The following CNTNAP4 variants were observed in gnomAD, a reference collection of about 807,000 sequenced individuals.
CNTNAP4 encodes contactin-associated protein-like 4.
A neutral mutation model predicts 148.4 loss-of-function variants in CNTNAP4; 98 were observed. The observed-to-expected ratio is 0.66, with a 90% CI of 0.56 to 0.78. CNTNAP4 has a LOEUF of 0.78. Ranked by LOEUF, CNTNAP4 falls within the 30% of genes least tolerant of loss-of-function variation. The pLI is 0.00. For missense variants in CNTNAP4, 1,935 were observed against 1,565.6 expected, an observed-to-expected ratio of 1.24 and a Z score of -3.98; for synonymous variants, 730 against 565.1, an observed-to-expected ratio of 1.29 and a Z score of -4.14.
chr16:76,457,582 G>A (rs1293755964), intron 8 of CNTNAP4, among the ~76,000 whole-genome samples: 1 of 152,120 alleles, frequency 6.6e-6, no homozygotes, highest in African/African-American at 2.4e-5. Context: ...TAATCCTGCT[G>A]CATGCCTAAC....
At position 76,448,757 on chromosome 16, in the gene CNTNAP4, C is replaced by G. The variant is rs760646138; in HGVS notation, c.743-10C>G. 5.0e-5 allele frequency: 77 copies of G among 1,551,634 alleles called. No homozygotes were observed. Among genetic ancestry groups the G allele is most frequent in the Non-Finnish European group, 6.4e-5 (74 of 1,149,960 alleles). ...CAATAATGGTGCTGTTATTTTTCTC[C>G]TCTTCTAAGGTGAAGCTAAACTGCC... On this transcript the variant is annotated splice_polypyrimidine_tract_variant and intron_variant, in intron 5 of 23. Transcript: ENST00000611870.
At chr16:76,434,170 T>G in intron 4 of CNTNAP4, among the ~76,000 whole-genome samples, 1 of 150,314 alleles carries the variant, frequency 6.7e-6, no homozygotes, top group Non-Finnish European at 1.5e-5. Context: ...ATCGAATATA[T>G]ATAAAGGGGA....
intron 2 of CNTNAP4, among the ~76,000 whole-genome samples, chr16:76,332,289 G>A (rs1026557434): frequency 6.6e-6 from 1 of 151,990 alleles, no homozygotes; most frequent in Non-Finnish European, 1.5e-5. Context: ...GAGACAGGAT[G>A]TCATTCTGTT....
chr16:76,454,568 A>T (rs1001593325), intron 8 of CNTNAP4, among the ~76,000 whole-genome samples: 1 of 152,202 alleles, frequency 6.6e-6, no homozygotes, highest in Non-Finnish European at 1.5e-5. Flanking sequence ...GATTTTATTT[A>T]AAAACTCTCT....
chr16:76,374,202 G>A (rs879308733), intron 3 of CNTNAP4, among the ~76,000 whole-genome samples: 34 of 152,164 alleles, frequency 2.2e-4, no homozygotes, highest in Non-Finnish European at 4.1e-4. Context: ...CTGGAGCAGT[G>A]AAAAGACATC....
chr16:76,542,026 C>T (rs566746551), intron 21 of CNTNAP4, among the ~76,000 whole-genome samples: 3 of 152,242 alleles, frequency 2.0e-5, no homozygotes, highest in South Asian at 4.1e-4. Context: ...CATGAAATGA[C>T]GATTCTACTT....
At chr16:76,493,413 G>A (rs548495325) in intron 13 of CNTNAP4, among the ~76,000 whole-genome samples, 6 of 152,110 alleles carry the variant, frequency 3.9e-5, no homozygotes, top group South Asian at 2.1e-4. Context: ...CCATATCCAC[G>A]GGTATTTTTT....
chr16:76,500,521 C>A (rs1443281276), intron 15 of CNTNAP4, among the ~76,000 whole-genome samples: 1 of 152,052 alleles, frequency 6.6e-6, no homozygotes, highest in Non-Finnish European at 1.5e-5. Context: ...GAATTTCCTA[C>A]TGTTAGGCCT....
chr16:76,512,578 T>C (rs1270499142), intron 15 of CNTNAP4, among the ~76,000 whole-genome samples: 1 of 152,142 alleles, frequency 6.6e-6, no homozygotes, highest in Non-Finnish European at 1.5e-5. Context: ...TAGAGAAATA[T>C]AAAGAGCCCA....
chr16:76,431,688 G>C (rs1339927885), intron 4 of CNTNAP4, among the ~76,000 whole-genome samples: 1 of 152,124 alleles, frequency 6.6e-6, no homozygotes, highest in African/African-American at 2.4e-5. Flanking sequence ...CAAAAGTAAA[G>C]GGGGAGGTAA....
At chr16:76,472,951 TTAAAA>T (rs1231076025) in intron 10 of CNTNAP4, among the ~76,000 whole-genome samples, 6 of 151,940 alleles carry the variant, frequency 3.9e-5, no homozygotes, top group African/African-American at 1.2e-4. Flanking sequence ...ACCCCTGAAC[TTAAAA>T]TAAGAGTTAA....
chr16:76,398,170 A>G (rs2078279240), intron 3 of CNTNAP4, among the ~76,000 whole-genome samples: 2 of 151,062 alleles, frequency 1.3e-5, no homozygotes, highest in Admixed American at 1.3e-4. Context: ...AAACCAGTCT[A>G]GTCTTTCCAT....
intron 3 of CNTNAP4, among the ~76,000 whole-genome samples, chr16:76,408,584 C>G (rs1043033323): frequency 6.6e-6 from 1 of 151,842 alleles, no homozygotes; most frequent in East Asian, 1.9e-4. Flanking sequence ...TTAAAACTTC[C>G]TAGCTTTATA....
At chr16:76,352,504 G>C (rs1440333098) in intron 2 of CNTNAP4, among the ~76,000 whole-genome samples, 1 of 152,080 alleles carries the variant, frequency 6.6e-6, no homozygotes, top group East Asian at 1.9e-4. Flanking sequence ...GAGGCACTGC[G>C]GTGTCCTAGT....
intron 15 of CNTNAP4, among the ~76,000 whole-genome samples, chr16:76,518,792 T>C (rs2083348707): frequency 6.6e-6 from 1 of 152,172 alleles, no homozygotes; most frequent in Admixed American, 6.5e-5. Context: ...ATGAAGCTTA[T>C]TCCTTCTATC....
chr16:76,480,346 A>G (rs1294593029), intron 12 of CNTNAP4, among the ~76,000 whole-genome samples: 1 of 152,246 alleles, frequency 6.6e-6, no homozygotes, highest in Non-Finnish European at 1.5e-5. Flanking sequence ...CATATTTTCA[A>G]TAGCATAAAA....
chr16:76,555,804 A>G (rs2085173805), intron 23 of CNTNAP4, among the ~76,000 whole-genome samples: 1 of 152,174 alleles, frequency 6.6e-6, no homozygotes, highest in African/African-American at 2.4e-5. Context: ...ACAATATGGA[A>G]GGTTTGTAGT....
intron 17 of CNTNAP4, among the ~76,000 whole-genome samples, chr16:76,529,968 A>G (rs913906268): frequency 2.0e-5 from 3 of 151,990 alleles, no homozygotes; most frequent in African/African-American, 4.8e-5. Context: ...CCATATCTCT[A>G]TTCACCATTG....
chr16:76,460,773 A>AAAAATATATATATATATATAT, intron 8 of CNTNAP4, among the ~76,000 whole-genome samples: 1 of 57,308 alleles, frequency 1.7e-5, no homozygotes, highest in African/African-American at 6.4e-5. Flanking sequence ...AAAAAAAAAA[A>AAAAATATATATATATATATAT]ATATATATAT....
Sources: allele counts gnomAD v4.1 joint callset (sites outside exome capture counted in the v4.1 genomes callset), GRCh38; gene constraint gnomAD v4.1.1; transcripts MANE v1.5; gene names NCBI Gene and HGNC (gene_info 2026-07-23, HGNC 2026-07-21).